The following TXNRD1 variants were observed in gnomAD, a reference collection of about 807,000 sequenced individuals.
The protein encoded by TXNRD1 is thioredoxin reductase 1.
Under a neutral mutation model 80.3 loss-of-function variants are expected in TXNRD1, and 57 were observed. The observed-to-expected ratio is 0.71, with a 90% CI of 0.57 to 0.89. The LOEUF (loss-of-function observed/expected upper bound fraction) is 0.89, where lower values mean the gene tolerates loss of function less well. Ranked by LOEUF, TXNRD1 falls within the 40% of genes least tolerant of loss-of-function variation. The pLI is 0.00. For synonymous variants in TXNRD1, 291 were observed against 285.2 expected, an observed-to-expected ratio of 1.02 and a Z score of -0.20; for missense variants, 730 against 803.0, an observed-to-expected ratio of 0.91 and a Z score of 1.10.
chr12:104,286,964 C>T lies in TXNRD1; in HGVS notation c.305-1967C>T, dbSNP rs984911971. The T allele has an allele frequency of 5.7e-6, 7 of 1,227,580 alleles. No homozygotes were observed. In the African/African-American group the frequency reaches 1.1e-4, roughly 19 times the overall value. 76.0% of individuals were successfully genotyped at this position (1,227,580 alleles called of 1,614,324 possible). On this transcript the variant is annotated intron_variant, in intron 3 of 16. Coordinates refer to ENST00000525566, the MANE Select transcript of TXNRD1 (RefSeq NM_001093771.3). The stretch of plus-strand genomic sequence containing the variant: ...TTCTGACTCTGGCAGTTAGCCCGCC[C>T]GCTCGGCGCAGGGCGTGGCTTCTCG...
intron 3 of TXNRD1, among the ~76,000 whole-genome samples, chr12:104,259,412 C>G (rs1163804172): frequency 2.0e-5 from 3 of 150,506 alleles, no homozygotes; most frequent in Non-Finnish European, 4.4e-5. Context: ...ACAGCAACAA[C>G]AAAGAAAGGA....
intron 1 of TXNRD1, among the ~76,000 whole-genome samples, chr12:104,248,996 G>T (rs1375753123): frequency 6.6e-6 from 1 of 152,146 alleles, no homozygotes; most frequent in Non-Finnish European, 1.5e-5. Context: ...GAAATTACAA[G>T]CGAGAAATTA....
intron 6 of TXNRD1, among the ~76,000 whole-genome samples, chr12:104,315,075 C>T (rs2035277049): frequency 6.6e-6 from 1 of 152,204 alleles, no homozygotes; most frequent in African/African-American, 2.4e-5. Context: ...CAGTTTAAGA[C>T]CCACTGCACT....
chr12:104,228,052 C>T (rs991062422), intron 1 of TXNRD1, among the ~76,000 whole-genome samples: 39 of 152,026 alleles, frequency 2.6e-4, no homozygotes, highest in African/African-American at 8.5e-4. Flanking sequence ...CCCGTAATCC[C>T]GGCACTTTGG....
intron 1 of TXNRD1, among the ~76,000 whole-genome samples, chr12:104,225,477 C>T (rs1302250318): frequency 6.6e-6 from 1 of 152,186 alleles, no homozygotes; most frequent in Admixed American, 6.5e-5. Flanking sequence ...TGTAATGATC[C>T]GCATGTGTCA....
At chr12:104,218,654 G>C (rs1337172968) in intron 1 of TXNRD1, among the ~76,000 whole-genome samples, 2 of 143,976 alleles carry the variant, frequency 1.4e-5, no homozygotes, top group Non-Finnish European at 1.5e-5. Context: ...GTCTTGCTCT[G>C]TTGCCCAGGC....
At chr12:104,236,892 G>T (rs949155683) in intron 1 of TXNRD1, among the ~76,000 whole-genome samples, 1 of 151,558 alleles carries the variant, frequency 6.6e-6, no homozygotes, top group African/African-American at 2.4e-5. Context: ...CTGGAAAAAG[G>T]CTCTTTTCTT....
At chr12:104,336,333 CAG>C (rs1410428043) in intron 15 of TXNRD1, among the ~76,000 whole-genome samples, 1 of 152,170 alleles carries the variant, frequency 6.6e-6, no homozygotes, top group Non-Finnish European at 1.5e-5. Flanking sequence ...AGTAGGGTGA[CAG>C]TGTTTTCGGT....
In TXNRD1 at chr12:104,331,528, A is replaced by T; in HGVS notation, c.1543-6A>T. ...ATTATAACTCCTTACCTCCATTTTTAAACAGTGTGACTATGAAAATGTTCC... is the reference window on the plus strand; with the variant it reads ...ATTATAACTCCTTACCTCCATTTTTTAACAGTGTGACTATGAAAATGTTCC... On this transcript the variant is annotated splice_region_variant and splice_polypyrimidine_tract_variant and intron_variant, in intron 13 of 16. Transcript: ENST00000525566. 1 of 1,590,698 alleles carries T rather than the reference A, an allele frequency of 6.3e-7. No individual in the cohort carries two copies. Among genetic ancestry groups the T allele is most frequent in the Non-Finnish European group, 8.6e-7 (1 of 1,164,854 alleles).
At chr12:104,304,088 CG>C in intron 4 of TXNRD1, 1 of 1,613,586 alleles carries the variant, frequency 6.2e-7, no homozygotes, top group Non-Finnish European at 8.5e-7. Context: ...GTACTGCGTG[CG>C]GCAGAACCGG....
intron 12 of TXNRD1, 30 bp from the exon 13 acceptor site, chr12:104,327,485 A>C: frequency 6.3e-7 from 1 of 1,586,762 alleles, no homozygotes; most frequent in Non-Finnish European, 8.6e-7. Flanking sequence ...ATGGTAATTA[A>C]TGATGATTTT....
intron 1 of TXNRD1, among the ~76,000 whole-genome samples, chr12:104,218,214 C>T (rs112541488): frequency 0.048 from 7,231 of 152,022 alleles, 208 homozygotes; most frequent in Middle Eastern, 0.14. Context: ...TTAGTAGTGA[C>T]GGGGTTTCAC....
intron 1 of TXNRD1, among the ~76,000 whole-genome samples, chr12:104,239,054 A>G (rs987333865): frequency 1.3e-5 from 2 of 151,998 alleles, no homozygotes; most frequent in African/African-American, 4.8e-5. Context: ...GGTAATACCA[A>G]TCTCATAGAA....
rs181568967 is a variant in TXNRD1, at chr12:104,329,103, G to A, written c.1542+1432G>A. Among the ~76,000 whole-genome samples the A allele has an allele frequency of 3.7e-4, 57 of 152,256 alleles. 1 individual carries two copies. The East Asian group carries it at 9.6e-3, about 26-fold the overall frequency. Reference sequence around the variant, plus strand: ...ATCTCATATTTTGAATTAATGGATTGAGGGTTAAAAAAGATTTTGAATGCC... The same window carrying A: ...ATCTCATATTTTGAATTAATGGATTAAGGGTTAAAAAAGATTTTGAATGCC... On this transcript the variant is annotated intron_variant, in intron 13 of 16. Coordinates refer to ENST00000525566, the MANE Select transcript of TXNRD1 (RefSeq NM_001093771.3).
intron 1 of TXNRD1, among the ~76,000 whole-genome samples, chr12:104,216,313 G>A (rs965785054): frequency 2.0e-5 from 3 of 152,212 alleles, no homozygotes; most frequent in Non-Finnish European, 4.4e-5. Context: ...GAGTCCGGGG[G>A]TGCCCCTTCA....
At chr12:104,222,778 G>T (rs374938492) in intron 1 of TXNRD1, among the ~76,000 whole-genome samples, 1 of 152,252 alleles carries the variant, frequency 6.6e-6, no homozygotes, top group Non-Finnish European at 1.5e-5. Context: ...TTGAACCTGA[G>T]AGGCGGAGGT....
At chr12:104,290,881 T>C in intron 4 of TXNRD1, 1 of 534,996 alleles carries the variant, frequency 1.9e-6, no homozygotes. Context: ...TTAATGGCAA[T>C]GGGAGTAAAA....
chr12:104,318,894 GT>G lies in TXNRD1; in HGVS notation c.731-15del. Reference sequence around the variant, plus strand: ...CAGTTGAAAAGCCAAACAAGATTTTGTTTTATTTTCTTATACAGTTAAGCAT... The same window carrying G: ...CAGTTGAAAAGCCAAACAAGATTTTGTTTATTTTCTTATACAGTTAAGCAT... On this transcript the variant is annotated intron_variant, in intron 7 of 16. Transcript: ENST00000525566. The G allele has an allele frequency of 1.9e-6, 3 of 1,585,572 alleles. No homozygotes were observed. The highest frequency in any genetic ancestry group is 2.6e-6 in the Non-Finnish European group (3 of 1,168,538).
At chr12:104,325,535 G>A in intron 11 of TXNRD1, 106 bp downstream of exon 11, 1 of 796,144 alleles carries the variant, frequency 1.3e-6, no homozygotes, top group Non-Finnish European at 2.1e-6. Context: ...AAATGTACTG[G>A]TTCTATGCCA....
Sources: gnomAD v4.1 joint callset for allele counts (sites outside exome capture counted in the v4.1 genomes callset) on GRCh38, gnomAD v4.1.1 for gene constraint, MANE v1.5 for transcripts, NCBI Gene and HGNC (gene_info 2026-07-23, HGNC 2026-07-21) for gene names.